Variants in ASIC2 observed in about 807,000 individuals in gnomAD.
ASIC2 encodes acid-sensing ion channel 2.
ASIC2 carries 25 observed loss-of-function variants against 57.3 expected under a neutral mutation model. That is an observed-to-expected ratio of 0.44 (90% CI 0.32 to 0.61). The LOEUF (loss-of-function observed/expected upper bound fraction) is 0.61. ASIC2 is among the 20% of genes least tolerant of loss of function. The pLI, the probability that ASIC2 is intolerant of heterozygous loss-of-function variation, is 0.06. For synonymous variants in ASIC2, 319 were observed against 307.5 expected (o/e 1.04, Z -0.39); for missense variants, 641 against 738.1 (o/e 0.87, Z 1.52).
chr17:33,191,326 A>G (rs1398224528), intron 1 of ASIC2, among the ~76,000 whole-genome samples: 1 of 152,090 alleles, frequency 6.6e-6, no homozygotes, highest in Non-Finnish European at 1.5e-5. Context: ...TGGTGTGGAG[A>G]TGGAAGGAAG....
At chr17:33,882,651 A>G (rs1201378490) in intron 1 of ASIC2, among the ~76,000 whole-genome samples, 1 of 152,204 alleles carries the variant, frequency 6.6e-6, no homozygotes, top group African/African-American at 2.4e-5. Flanking sequence ...GAACTTTTAC[A>G]CTGTTGGTGG....
At chr17:33,038,638 T>G (rs2141915042) in intron 3 of ASIC2, among the ~76,000 whole-genome samples, 1 of 152,300 alleles carries the variant, frequency 6.6e-6, no homozygotes, top group South Asian at 2.1e-4. Flanking sequence ...TTGCTTAAAT[T>G]TATGAACAGA....
At chr17:33,528,380 C>G (rs1401533773) in intron 1 of ASIC2, among the ~76,000 whole-genome samples, 4 of 152,140 alleles carry the variant, frequency 2.6e-5, no homozygotes, top group African/African-American at 9.7e-5. Flanking sequence ...ACCAACAACC[C>G]TGATAGCAAC....
At chr17:33,717,240 C>G (rs552348606) in intron 1 of ASIC2, among the ~76,000 whole-genome samples, 3 of 152,368 alleles carry the variant, frequency 2.0e-5, no homozygotes, top group Admixed American at 1.3e-4. Context: ...ACTGCTCTGA[C>G]AGCTTTCAGC....
chr17:33,505,747 A>G (rs1204703303), intron 1 of ASIC2, among the ~76,000 whole-genome samples: 1 of 152,164 alleles, frequency 6.6e-6, no homozygotes, highest in Non-Finnish European at 1.5e-5. Context: ...CGGATCGCCT[A>G]CTAGCCCTGC....
chr17:33,117,194 A>G lies in ASIC2; in HGVS notation c.709-5127T>C, dbSNP rs540926921. ...CTTCCTCTTCTTCTTTTTTTTTGAG[A>G]CAGAGTCTCACTTTGTCACCCAGGC... On this transcript the variant is annotated intron_variant, in intron 1 of 9. Coordinates refer to ENST00000225823, the MANE Select transcript of ASIC2 (RefSeq NM_183377.2). Among the ~76,000 whole-genome samples the G allele has an allele frequency of 6.6e-5, 10 of 150,548 alleles. No homozygotes were observed. The South Asian group carries it at 2.1e-3, about 32-fold the overall frequency.
At chr17:33,216,306 C>G (rs535147509) in intron 1 of ASIC2, among the ~76,000 whole-genome samples, 1 of 152,186 alleles carries the variant, frequency 6.6e-6, no homozygotes, top group Admixed American at 6.5e-5. Flanking sequence ...GATACATTAA[C>G]GAAACCGTAT....
In ASIC2 at chr17:33,701,889, T is replaced by C. The variant is rs1322310474; in HGVS notation, c.555+454089A>G. Among the ~76,000 whole-genome samples, 3 of 152,220 alleles carry C rather than the reference T, an allele frequency of 2.0e-5. No homozygotes were observed. The East Asian group carries it at 5.8e-4, about 29-fold the overall frequency. On this transcript the variant is annotated intron_variant, in intron 1 of 9. Coordinates refer to the ASIC2 transcript ENST00000359872. ...TTAGTCTAAGGATCATTCTAAGATG[T>C]ATGTATTTCATTGTCGGTACTTCTG...
At chr17:33,402,487 G>T (rs1019519559) in intron 1 of ASIC2, among the ~76,000 whole-genome samples, 2 of 152,030 alleles carry the variant, frequency 1.3e-5, no homozygotes, top group African/African-American at 4.8e-5. Context: ...CCCTCCTTGT[G>T]TCCATGTGTT....
intron 1 of ASIC2, among the ~76,000 whole-genome samples, chr17:33,984,909 C>T (rs192929557): frequency 1.2e-4 from 19 of 152,286 alleles, no homozygotes; most frequent in African/African-American, 4.3e-4. Flanking sequence ...TAAGCACATC[C>T]CTGTCCTTTA....
At chr17:33,118,641 C>T (rs1415405245) in intron 1 of ASIC2, among the ~76,000 whole-genome samples, 1 of 152,082 alleles carries the variant, frequency 6.6e-6, no homozygotes, top group African/African-American at 2.4e-5. Flanking sequence ...GTGCCAGACA[C>T]CAAAAATCTT....
At position 33,016,028 on chromosome 17, in the gene ASIC2, C is replaced by T. The variant is rs772066732; in HGVS notation, c.1533G>A (p.Glu511=). The T allele has an allele frequency of 6.2e-7, 1 of 1,613,986 alleles. No individual in the cohort carries two copies. Among genetic ancestry groups the T allele is most frequent in the Admixed American group, 1.7e-5 (1 of 60,022 alleles). ...LFDYIYELIK[E]KLLDLLGKEE... ...CTTTGCCAAGCAGGTCTAATAGCTT[C>T]TCTTTGATCAGCTGCAAGAAAAGCA... is the stretch of plus-strand genomic sequence containing the variant. Residue 511 remains glutamate (E), a synonymous_variant, in exon 9 of 10, where the codon GAG becomes GAA. Transcript: ENST00000225823.
intron 1 of ASIC2, among the ~76,000 whole-genome samples, chr17:33,271,152 C>CA (rs2142157710): frequency 6.6e-6 from 1 of 152,280 alleles, no homozygotes; most frequent in East Asian, 1.9e-4. Context: ...TCCCTTGGGT[C>CA]AGTGCCCTCT....
chr17:33,771,521 G>A (rs16968866), intron 1 of ASIC2, among the ~76,000 whole-genome samples: 3,114 of 151,884 alleles, frequency 0.021, 115 homozygotes, highest in African/African-American at 0.071. Flanking sequence ...TTGAATCTGA[G>A]CTGAGGCCCC....
chr17:34,049,428 AG>A (rs1908462658), intron 1 of ASIC2, among the ~76,000 whole-genome samples: 2 of 152,188 alleles, frequency 1.3e-5, no homozygotes, highest in Non-Finnish European at 2.9e-5. Flanking sequence ...GTCCCGTTCC[AG>A]GAACAGGCTG....
chr17:34,125,144 T>A (rs775127816), intron 1 of ASIC2, among the ~76,000 whole-genome samples: 7 of 151,776 alleles, frequency 4.6e-5, no homozygotes, highest in Non-Finnish European at 1.0e-4. Context: ...CGTGTCCCCA[T>A]TGAGACTTGC....
chr17:34,075,958 A>G (rs571939929), intron 1 of ASIC2, among the ~76,000 whole-genome samples: 1 of 147,804 alleles, frequency 6.8e-6, no homozygotes, highest in Admixed American at 6.8e-5. Context: ...CCTCCCAAGT[A>G]GCTGGGATTA....
intron 1 of ASIC2, among the ~76,000 whole-genome samples, chr17:33,715,273 A>T (rs191009740): frequency 6.1e-4 from 93 of 152,272 alleles, no homozygotes; most frequent in Non-Finnish European, 1.2e-3. Flanking sequence ...AAATGCTAGG[A>T]TTACAAGCAT....
intron 1 of ASIC2, among the ~76,000 whole-genome samples, chr17:33,428,775 C>A (rs1911303498): frequency 6.6e-6 from 1 of 152,160 alleles, no homozygotes; most frequent in Non-Finnish European, 1.5e-5. Context: ...TCCTCCCACC[C>A]ACCATTGTTT....
Sources: gnomAD v4.1 joint callset for allele counts (sites outside exome capture counted in the v4.1 genomes callset) on GRCh38, gnomAD v4.1.1 for gene constraint, MANE v1.5 for transcripts, NCBI Gene and HGNC (gene_info 2026-07-23, HGNC 2026-07-21) for gene names.